The following CLVS1 variants were observed in gnomAD, a reference collection of about 807,000 sequenced individuals.
CLVS1 encodes the protein clavesin-1.
Under a neutral mutation model 33.1 loss-of-function variants are expected in CLVS1, and 10 were observed. That is an observed-to-expected ratio of 0.30 (90% CI 0.19 to 0.51). The LOEUF (loss-of-function observed/expected upper bound fraction) is 0.51, where lower values mean the gene tolerates loss of function less well. CLVS1 is among the 20% of genes least tolerant of loss of function. The pLI is 0.97. For synonymous variants in CLVS1, 163 were observed against 166.1 expected (o/e 0.98, Z 0.14); for missense variants, 343 against 433.4 (o/e 0.79, Z 1.85).
At chr8:61,447,725 A>C (rs148045052) in intron 3 of CLVS1, among the ~76,000 whole-genome samples, 1 of 152,198 alleles carries the variant, frequency 6.6e-6, no homozygotes, top group African/African-American at 2.4e-5. Flanking sequence ...TTTGAACCAC[A>C]TCAGAGTATC....
intron 3 of CLVS1, chr8:61,390,966 C>T (rs1223076399): frequency 1.5e-5 from 2 of 134,916 alleles, no homozygotes; most frequent in African/African-American, 2.6e-5. Context: ...GTGTTTTCTT[C>T]TAGACTTAGA....
At chr8:61,412,665 A>C (rs970584469) in intron 3 of CLVS1, among the ~76,000 whole-genome samples, 3 of 152,218 alleles carry the variant, frequency 2.0e-5, no homozygotes, top group Non-Finnish European at 1.5e-5. Context: ...TTGCACCTCC[A>C]CTGGTAATGT....
intron 2 of CLVS1, among the ~76,000 whole-genome samples, chr8:61,360,621 T>G (rs1812935372): frequency 6.6e-6 from 1 of 152,230 alleles, no homozygotes; most frequent in East Asian, 1.9e-4. Flanking sequence ...AGTTTCTGTT[T>G]TGTTAGATTT....
intron 1 of CLVS1, among the ~76,000 whole-genome samples, chr8:61,067,988 TGAGA>T (rs35869191): frequency 6.3e-5 from 9 of 143,130 alleles, no homozygotes; most frequent in African/African-American, 1.3e-4. Flanking sequence ...AACTTGATAT[TGAGA>T]GAGAGAGAGA....
the CLVS1 span, among the ~76,000 whole-genome samples, chr8:61,026,562 C>T: frequency 3.3e-5 from 5 of 152,162 alleles, no homozygotes; most frequent in Non-Finnish European, 7.4e-5. Flanking sequence ...GTGCATTAAA[C>T]GAGGCCCTTG....
the CLVS1 span, among the ~76,000 whole-genome samples, chr8:61,022,801 A>G: frequency 6.6e-6 from 1 of 152,232 alleles, no homozygotes; most frequent in African/African-American, 2.4e-5. Flanking sequence ...CACAGACAGC[A>G]TATATATACC....
chr8:61,121,062 G>A (rs1416592003), intron 1 of CLVS1, among the ~76,000 whole-genome samples: 13 of 151,956 alleles, frequency 8.6e-5, no homozygotes, highest in South Asian at 4.2e-4. Context: ...CAGGTGCGGG[G>A]TATAATCTCG....
chr8:61,060,141 T>C (rs930311855), intron 1 of CLVS1, among the ~76,000 whole-genome samples: 1 of 152,150 alleles, frequency 6.6e-6, no homozygotes, highest in African/African-American at 2.4e-5. Flanking sequence ...GTCTTTTTCG[T>C]CCTTAGCAGC....
chr8:61,054,248 G>T (rs570289139), upstream of CLVS1, among the ~76,000 whole-genome samples: 1 of 152,302 alleles, frequency 6.6e-6, no homozygotes, highest in South Asian at 2.1e-4. Context: ...ATCTCCTCCT[G>T]CAGCAGCCTC....
At position 61,271,265 on chromosome 8, in the gene CLVS1, G is replaced by A. The variant is rs1342584370; in HGVS notation, c.-151-28412G>A. Among the ~76,000 whole-genome samples the A allele has an allele frequency of 5.3e-5, 8 of 150,540 alleles. No individual in the cohort carries two copies. In the South Asian group the frequency reaches 6.3e-4, roughly 12 times the overall value. ...ACATCTTTATTTCTGCCTTCATTTC[G>A]TTATGTACCCAGTAGTCATTCAGGA... is the stretch of plus-strand genomic sequence containing the variant. On this transcript the variant is annotated intron_variant, in intron 2 of 2. Coordinates refer to the CLVS1 transcript ENST00000522621.
chr8:61,195,940 A>G (rs1216207164), intron 2 of CLVS1, among the ~76,000 whole-genome samples: 3 of 152,172 alleles, frequency 2.0e-5, no homozygotes, highest in Admixed American at 6.5e-5. Flanking sequence ...TATAGACACT[A>G]TCTTACAGAG....
chr8:61,062,113 G>A (rs1049322229), intron 1 of CLVS1, among the ~76,000 whole-genome samples: 2 of 152,188 alleles, frequency 1.3e-5, no homozygotes, highest in Admixed American at 1.3e-4. Flanking sequence ...AGGGAAATGA[G>A]ACTTGCTGAT....
intron 5 of CLVS1, among the ~76,000 whole-genome samples, chr8:61,464,282 C>A (rs915981280): frequency 2.0e-5 from 3 of 152,048 alleles, no homozygotes; most frequent in Non-Finnish European, 4.4e-5. Flanking sequence ...ACAAAGTATG[C>A]CTATATGTGA....
At chr8:61,384,227 G>A (rs1217209554) in intron 3 of CLVS1, among the ~76,000 whole-genome samples, 1 of 152,214 alleles carries the variant, frequency 6.6e-6, no homozygotes, top group Non-Finnish European at 1.5e-5. Context: ...CAGGCAAGGA[G>A]CTTGTTTGCC....
chr8:61,330,415 G>A (rs1371312068), intron 2 of CLVS1, among the ~76,000 whole-genome samples: 1 of 152,196 alleles, frequency 6.6e-6, no homozygotes, highest in African/African-American at 2.4e-5. Flanking sequence ...GTATTCTAAT[G>A]GGGGACGTTA....
At chr8:61,310,623 T>G (rs2129595447) in intron 2 of CLVS1, among the ~76,000 whole-genome samples, 1 of 152,028 alleles carries the variant, frequency 6.6e-6, no homozygotes, top group African/African-American at 2.4e-5. Flanking sequence ...TGCCACATAC[T>G]TCAATCTCAC....
rs112662268 is a variant in CLVS1 at position 61,174,537 on chromosome 8, A to G, written c.-152+42677A>G. Among the ~76,000 whole-genome samples, 183 of 152,370 alleles carry G rather than the reference A, an allele frequency of 1.2e-3. 2 individuals carry two copies. The highest frequency in any genetic ancestry group is 4.3e-3 in the African/African-American group (178 of 41,594). On this transcript the variant is annotated intron_variant, in intron 2 of 2. Transcript: ENST00000522621. ...AAAATGATAATGTGCAAAGTTAAAA[A>G]TACACTGTGTGACCAGCTAGAACTC... is the stretch of plus-strand genomic sequence containing the variant.
chr8:61,306,619 A>G (rs1379238493), intron 2 of CLVS1, among the ~76,000 whole-genome samples: 1 of 152,180 alleles, frequency 6.6e-6, no homozygotes, highest in Non-Finnish European at 1.5e-5. Context: ...ATGGGAGTGT[A>G]GATTTCTCTT....
At chr8:61,340,254 G>A (rs79947080) in intron 2 of CLVS1, among the ~76,000 whole-genome samples, 1 of 152,118 alleles carries the variant, frequency 6.6e-6, no homozygotes, top group Non-Finnish European at 1.5e-5. Flanking sequence ...ACAATACATT[G>A]TTACTAACTA....
Sources: gnomAD v4.1 joint callset for allele counts (sites outside exome capture counted in the v4.1 genomes callset) on GRCh38, gnomAD v4.1.1 for gene constraint, MANE v1.5 for transcripts, NCBI Gene and HGNC (gene_info 2026-07-23, HGNC 2026-07-21) for gene names.